The following HECW1 variants were observed in gnomAD, a reference collection of about 807,000 sequenced individuals.
HECW1 encodes HECT, C2 and WW domain containing E3 ubiquitin protein ligase 1, also known as E3 ubiquitin-protein ligase HECW1.
Under a neutral mutation model 182.3 loss-of-function variants are expected in HECW1, and 61 were observed. The observed-to-expected ratio is 0.33, with a 90% confidence interval of 0.27 to 0.41. The LOEUF (loss-of-function observed/expected upper bound fraction) is 0.41. Ranked by LOEUF, HECW1 falls within the 10% of genes least tolerant of loss-of-function variation. The pLI, the probability that HECW1 is intolerant of heterozygous loss-of-function variation, is 1.00. For missense variants in HECW1, 1,739 were observed against 2,108.9 expected (o/e 0.82, Z 3.44); for synonymous variants, 859 against 832.6 (o/e 1.03, Z -0.55).
At chr7:43,412,502 T>C (rs2075837421) in intron 8 of HECW1, among the ~76,000 whole-genome samples, 1 of 151,460 alleles carries the variant, frequency 6.6e-6, no homozygotes, top group Non-Finnish European at 1.5e-5. Flanking sequence ...GTGCACCTTG[T>C]GCAGGTTAGT....
At chr7:43,123,185 G>A (rs542996059) in intron 2 of HECW1, among the ~76,000 whole-genome samples, 6 of 152,308 alleles carry the variant, frequency 3.9e-5, no homozygotes, top group Admixed American at 6.5e-5. Flanking sequence ...CCATTACCAC[G>A]ATGAATGAAT....
intron 2 of HECW1, among the ~76,000 whole-genome samples, chr7:43,162,707 A>G (rs1327887573): frequency 6.6e-6 from 1 of 152,222 alleles, no homozygotes; most frequent in African/African-American, 2.4e-5. Context: ...GTAAGATCTC[A>G]CTTGGAGATC....
At chr7:43,210,190 T>A (rs2152694567) in intron 2 of HECW1, among the ~76,000 whole-genome samples, 1 of 152,216 alleles carries the variant, frequency 6.6e-6, no homozygotes, top group South Asian at 2.1e-4. Flanking sequence ...GGGGAGACCT[T>A]GCTGACCAAG....
At chr7:43,346,864 T>C (rs1813755778) in intron 5 of HECW1, among the ~76,000 whole-genome samples, 1 of 152,174 alleles carries the variant, frequency 6.6e-6, no homozygotes. Flanking sequence ...CCTATTTTTA[T>C]ACCAGTACCA....
intron 20 of HECW1, 30 bp from the exon 21 acceptor site, chr7:43,501,175 TTTTCTTTC>T (rs753280040): frequency 8.0e-7 from 1 of 1,250,388 alleles, no homozygotes. Context: ...ACTGACTTTC[TTTTCTTTC>T]TTTTTTTTTT....
intron 3 of HECW1, among the ~76,000 whole-genome samples, chr7:43,247,918 A>C (rs1799574240): frequency 2.4e-5 from 3 of 124,648 alleles, no homozygotes; most frequent in Admixed American, 7.3e-5. Context: ...GGAGGGAGGA[A>C]GGGAAAGAGG....
chr7:43,345,799 TACACACACAC>T (rs58255657), intron 5 of HECW1, among the ~76,000 whole-genome samples: 2 of 150,788 alleles, frequency 1.3e-5, no homozygotes, highest in African/African-American at 2.4e-5. Context: ...ATCATATATA[TACACACACAC>T]ACACACACAC....
intron 2 of HECW1, among the ~76,000 whole-genome samples, chr7:43,123,913 C>T (rs1311074370): frequency 6.6e-6 from 1 of 152,124 alleles, no homozygotes; most frequent in Non-Finnish European, 1.5e-5. Flanking sequence ...GTTTTAGTTT[C>T]TTGGAGAAAG....
chr7:43,562,872 T>C lies in HECW1; in HGVS notation c.*946T>C, dbSNP rs939075883. 3 of 218,472 alleles carry C rather than the reference T, an allele frequency of 1.4e-5. No homozygotes were observed. The Admixed American group carries it at 1.7e-4, about 13-fold the overall frequency. The allele number at this position is 218,472 out of a possible 1,614,324, so 13.5% of individuals were successfully genotyped here. ...CCCTGAGTTCTGTACTGTTCTGTTTTGTTTAGTCTAGCCACAGTTCTTCAC... is the reference window on the plus strand; with the variant it reads ...CCCTGAGTTCTGTACTGTTCTGTTTCGTTTAGTCTAGCCACAGTTCTTCAC... On this transcript the variant is annotated 3_prime_UTR_variant, in exon 30 of 30. Transcript: ENST00000395891.
At position 43,114,366 on chromosome 7, in the gene HECW1, G is replaced by T. The variant is rs948184892; in HGVS notation, c.-57G>T. 1 of 1,354,394 alleles carries T rather than the reference G, an allele frequency of 7.4e-7. No homozygotes were observed. The highest frequency in any genetic ancestry group is 1.2e-5 in the South Asian group (1 of 81,576). The allele number at this position is 1,354,394 out of a possible 1,614,324, so 83.9% of individuals were successfully genotyped here. On this transcript the variant is annotated 5_prime_UTR_variant, in exon 2 of 30. Transcript: ENST00000395891. ...GCCAGATCTGCGTTTCTCATCAGCA[G>T]ACTCACTCCGGCTGTGGCTATTACG...
intron 17 of HECW1, among the ~76,000 whole-genome samples, chr7:43,488,416 GAGAGAGAA>G (rs1369292188): frequency 8.7e-6 from 1 of 114,512 alleles, no homozygotes; most frequent in Non-Finnish European, 1.9e-5. Context: ...AAGAAAGAGA[GAGAGAGAA>G]AGAAAGAAAG....
At chr7:43,158,284 C>T (rs867385703) in intron 2 of HECW1, among the ~76,000 whole-genome samples, 4 of 152,128 alleles carry the variant, frequency 2.6e-5, no homozygotes, top group Admixed American at 6.5e-5. Flanking sequence ...GGGAAACACA[C>T]CAGTTTTCCA....
At chr7:43,451,195 C>T (rs1260395449) in intron 12 of HECW1, among the ~76,000 whole-genome samples, 2 of 152,166 alleles carry the variant, frequency 1.3e-5, no homozygotes, top group African/African-American at 4.8e-5. Context: ...GAGAGCATTT[C>T]TCTGTTAGAC....
intron 4 of HECW1, among the ~76,000 whole-genome samples, chr7:43,316,760 C>CTCA (rs1562826245): frequency 1.8e-4 from 25 of 138,704 alleles, no homozygotes; most frequent in Non-Finnish European, 2.2e-4. Context: ...CTCCTCTCCC[C>CTCA]TCCCCTTTTC....
At chr7:43,279,847 T>C (rs914353353) in intron 3 of HECW1, among the ~76,000 whole-genome samples, 2 of 152,208 alleles carry the variant, frequency 1.3e-5, no homozygotes, top group Admixed American at 1.3e-4. Context: ...GCTTGTTTTG[T>C]CTAAACCACA....
chr7:43,349,712 C>T (rs1002613283), intron 5 of HECW1, among the ~76,000 whole-genome samples: 4 of 152,076 alleles, frequency 2.6e-5, no homozygotes, highest in Admixed American at 6.6e-5. Context: ...CATGAAATGC[C>T]TTTTTTCACC....
intron 4 of HECW1, among the ~76,000 whole-genome samples, chr7:43,312,393 G>C (rs1340267882): frequency 6.6e-6 from 1 of 152,178 alleles, no homozygotes; most frequent in Non-Finnish European, 1.5e-5. Flanking sequence ...TAATATCAAA[G>C]CCTGTTTTTA....
intron 6 of HECW1, among the ~76,000 whole-genome samples, chr7:43,382,579 C>T (rs1363494376): frequency 6.6e-6 from 1 of 152,144 alleles, no homozygotes; most frequent in African/African-American, 2.4e-5. Context: ...TGCCTATAAG[C>T]AGGAGCTTAA....
At chr7:43,247,310 T>C (rs956858595) in intron 3 of HECW1, among the ~76,000 whole-genome samples, 4 of 152,146 alleles carry the variant, frequency 2.6e-5, no homozygotes, top group African/African-American at 4.8e-5. Context: ...CATGGAAGAA[T>C]AGGGCACTAA....
Sources: gnomAD v4.1 joint callset for allele counts (sites outside exome capture counted in the v4.1 genomes callset) on GRCh38, gnomAD v4.1.1 for gene constraint, MANE v1.5 for transcripts, NCBI Gene and HGNC (gene_info 2026-07-23, HGNC 2026-07-21) for gene names.